Variants in RAB28 observed in about 807,000 individuals in gnomAD.
The protein encoded by RAB28 is ras-related protein Rab-28.
A neutral mutation model predicts 31.7 loss-of-function variants in RAB28; 24 were observed. That is an observed-to-expected ratio of 0.76 (90% CI 0.55 to 1.06). The LOEUF (loss-of-function observed/expected upper bound fraction) is 1.06. Ranked by LOEUF, RAB28 falls within the 50% of genes least tolerant of loss-of-function variation. RAB28 has a pLI of 0.00. For synonymous variants in RAB28, 100 were observed against 90.4 expected (o/e 1.11, Z -0.60); for missense variants, 254 against 258.5 (o/e 0.98, Z 0.12).
intron 4 of RAB28, among the ~76,000 whole-genome samples, chr4:13,455,521 G>A (rs1715250265): frequency 6.6e-6 from 1 of 152,176 alleles, no homozygotes; most frequent in East Asian, 1.9e-4. Flanking sequence ...CCCAGTGCTG[G>A]AGAGGTCCAA....
At chr4:13,453,671 CCTGTAAGGTTT>C in intron 4 of RAB28, among the ~76,000 whole-genome samples, 1 of 151,902 alleles carries the variant, frequency 6.6e-6, no homozygotes, top group Non-Finnish European at 1.5e-5. Flanking sequence ...TCTATCCTGG[CCTGTAAGGTTT>C]CTGCTGAAAA....
intron 4 of RAB28, among the ~76,000 whole-genome samples, chr4:13,396,638 A>G (rs989820069): frequency 6.6e-6 from 1 of 152,098 alleles, no homozygotes; most frequent in Non-Finnish European, 1.5e-5. Flanking sequence ...TTCTCATCAG[A>G]GAAAGTACTT....
At chr4:13,459,888 G>T in intron 4 of RAB28, 1 of 1,289,286 alleles carries the variant, frequency 7.8e-7, no homozygotes, top group African/African-American at 1.5e-5. Flanking sequence ...ATCTGCAGCT[G>T]TGTTGCTGTT....
At chr4:13,431,019 G>A (rs570646112) in intron 4 of RAB28, among the ~76,000 whole-genome samples, 1 of 152,274 alleles carries the variant, frequency 6.6e-6, no homozygotes, top group East Asian at 1.9e-4. Context: ...ACAGGCTAGT[G>A]GGCATGCCTC....
chr4:13,409,817 A>G (rs913903367), intron 4 of RAB28, among the ~76,000 whole-genome samples: 1 of 152,238 alleles, frequency 6.6e-6, no homozygotes, highest in Non-Finnish European at 1.5e-5. Context: ...AGCCAAATTA[A>G]CCAAATACAG....
intron 3 of RAB28, among the ~76,000 whole-genome samples, chr4:13,466,352 C>G (rs980046606): frequency 3.6e-4 from 54 of 151,986 alleles, no homozygotes; most frequent in African/African-American, 9.6e-4. Flanking sequence ...GGAACTCAAA[C>G]AACTCCAAAG....
intron 4 of RAB28, among the ~76,000 whole-genome samples, chr4:13,458,329 A>G (rs4518326): frequency 0.77 from 115,260 of 150,550 alleles, 45,900 homozygotes; most frequent in East Asian, 0.92. Context: ...CTTATTAAAT[A>G]CTCATCTAGT....
chr4:13,464,271 G>C (rs1056366754), intron 3 of RAB28, among the ~76,000 whole-genome samples: 1 of 152,064 alleles, frequency 6.6e-6, no homozygotes, highest in Admixed American at 6.6e-5. Flanking sequence ...CAAGGCTCTG[G>C]CATGAAGAGA....
chr4:13,371,296 C>T (rs370462722), intron 6 of RAB28: 3 of 985,156 alleles, frequency 3.0e-6, no homozygotes, highest in East Asian at 1.1e-4. Flanking sequence ...AGGTATGAAT[C>T]GGGGGGTACA....
chr4:13,393,458 T>C (rs780617257), intron 4 of RAB28, among the ~76,000 whole-genome samples: 16 of 152,196 alleles, frequency 1.1e-4, no homozygotes, highest in Non-Finnish European at 2.2e-4. Context: ...ATATTCCAGC[T>C]TACCCAAGAA....
At chr4:13,422,820 G>C (rs891110288) in intron 4 of RAB28, among the ~76,000 whole-genome samples, 22 of 151,638 alleles carry the variant, frequency 1.5e-4, no homozygotes, top group African/African-American at 4.8e-4. Flanking sequence ...AATGGGTGCA[G>C]CAAACCAACA....
At chr4:13,417,385 A>G (rs1320121148) in intron 4 of RAB28, among the ~76,000 whole-genome samples, 1 of 152,226 alleles carries the variant, frequency 6.6e-6, no homozygotes, top group East Asian at 1.9e-4. Context: ...TGAAGAGGGC[A>G]GTGGTTTTCC....
chr4:13,381,340 C>T lies in RAB28; in HGVS notation c.495+151G>A, dbSNP rs16888623. ...TAAATAAATTATAAAAGTAATATAA[C>T]CAGAATAAACATGTTATATCTAATC... On this transcript the variant is annotated intron_variant, in intron 5 of 6. Transcript: ENST00000330852. 6.4e-3 allele frequency: 3,286 copies of T among 511,694 alleles called. 95 individuals carry two copies. The highest frequency in any genetic ancestry group is 0.058 in the African/African-American group (2,921 of 50,038). 31.7% of individuals were successfully genotyped at this position (511,694 alleles called of 1,614,324 possible). A position where few individuals can be genotyped will look rare whatever the true frequency, so the allele number is the denominator to read the frequency against.
intron 3 of RAB28, among the ~76,000 whole-genome samples, chr4:13,469,263 T>C (rs923603757): frequency 6.6e-6 from 1 of 152,062 alleles, no homozygotes; most frequent in Non-Finnish European, 1.5e-5. Flanking sequence ...CTTATGGTCA[T>C]CTAAATCCAT....
At position 13,479,483 on chromosome 4, in the gene RAB28, T is replaced by C. The variant is rs1716512564; in HGVS notation, c.119A>G (p.Gln40Arg). The C allele has an allele frequency of 2.5e-6, 4 of 1,609,686 alleles. No individual in the cohort carries two copies. In the Admixed American group the frequency reaches 5.0e-5, roughly 20 times the overall value. ...ATCCAGTCCTATAGTTTGTTTGTAC[T>C]GTTTCCCAAAAGTTTCTTGAGCAAA... is the stretch of plus-strand genomic sequence containing the variant. ...TCFAQETFGK[Q>R]YKQTIGLDFF... Residue 40 changes from glutamine (Q) to arginine (R), a missense_variant, in exon 2 of 7, where the codon CAG becomes CGG. Physicochemically the swap from Gln to Arg is conservative, Grantham distance 43. Transcript: ENST00000330852.
At chr4:13,477,006 C>T (rs190544744) in intron 2 of RAB28, among the ~76,000 whole-genome samples, 4 of 151,582 alleles carry the variant, frequency 2.6e-5, no homozygotes, top group Admixed American at 2.6e-4. Flanking sequence ...TAAAGTGCTG[C>T]ATAGTCAAGA....
chr4:13,460,581 C>G (rs1323656938), intron 4 of RAB28, 118 bp downstream of exon 4: 3 of 1,291,352 alleles, frequency 2.3e-6, no homozygotes, highest in Non-Finnish European at 3.3e-6. Flanking sequence ...CCTCCAGACA[C>G]CATCATTTTG....
intron 4 of RAB28, among the ~76,000 whole-genome samples, chr4:13,413,593 G>A (rs971993264): frequency 1.3e-5 from 2 of 151,830 alleles, no homozygotes; most frequent in Admixed American, 6.6e-5. Flanking sequence ...TAATGAACCC[G>A]CAGAGAAAAA....
chr4:13,403,335 T>C (rs1444874646), intron 4 of RAB28, among the ~76,000 whole-genome samples: 1 of 152,206 alleles, frequency 6.6e-6, no homozygotes, highest in Admixed American at 6.5e-5. Flanking sequence ...AAACAGGTCA[T>C]GGGTCATAGT....
Sources: allele counts gnomAD v4.1 joint callset (sites outside exome capture counted in the v4.1 genomes callset), GRCh38; gene constraint gnomAD v4.1.1; transcripts MANE v1.5; gene names NCBI Gene and HGNC (gene_info 2026-07-23, HGNC 2026-07-21).